The following EML1 variants were observed in gnomAD, a reference collection of about 807,000 sequenced individuals.
The protein encoded by EML1 is echinoderm microtubule-associated protein-like 1.
A neutral mutation model predicts 110.4 loss-of-function variants in EML1; 27 were observed. That is an observed-to-expected ratio of 0.24 (90% CI 0.18 to 0.34). The LOEUF (loss-of-function observed/expected upper bound fraction) is 0.34, where lower values mean the gene tolerates loss of function less well. Ranked by LOEUF, EML1 falls within the 10% of genes least tolerant of loss-of-function variation. The probability of loss-of-function intolerance (pLI) is 1.00; values close to 1 mark genes in which losing one functional copy is unlikely to be tolerated. For missense variants in EML1, 741 were observed against 1,030.9 expected, an observed-to-expected ratio of 0.72 and a Z score of 3.85; for synonymous variants, 344 against 385.8, an observed-to-expected ratio of 0.89 and a Z score of 1.27.
chr14:99,864,228 G>A (rs2059053506), intron 2 of EML1, among the ~76,000 whole-genome samples: 1 of 152,050 alleles, frequency 6.6e-6, no homozygotes, highest in Admixed American at 6.5e-5. Context: ...TTCCTTTTAT[G>A]TTCCTTATAC....
At chr14:99,753,306 G>A (rs1312284479) in intron 1 of EML1, among the ~76,000 whole-genome samples, 1 of 151,018 alleles carries the variant, frequency 6.6e-6, no homozygotes, top group Non-Finnish European at 1.5e-5. Context: ...GACACTTCAG[G>A]GGGAAGTCCT....
intron 1 of EML1, chr14:99,809,734 G>A: frequency 2.2e-6 from 1 of 456,114 alleles, no homozygotes; most frequent in African/African-American, 2.0e-5. Flanking sequence ...CATTTGATGG[G>A]TGGGGAGAAC....
At chr14:99,853,642 T>C (rs2058851082) in intron 2 of EML1, among the ~76,000 whole-genome samples, 1 of 152,204 alleles carries the variant, frequency 6.6e-6, no homozygotes, top group South Asian at 2.1e-4. Flanking sequence ...CATGCTCATA[T>C]AGACTTGAAG....
upstream of EML1, chr14:99,793,308 T>TGCGGCG (rs925967316): frequency 1.3e-4 from 131 of 976,520 alleles, no homozygotes; most frequent in Middle Eastern, 5.3e-4. Flanking sequence ...CTCGCGCGGC[T>TGCGGCG]GCGGCGGCGG....
At chr14:99,790,865 C>CTTTTTTTTTTTTTTTTTTTTTTTTT (rs763959981), upstream of EML1, among the ~76,000 whole-genome samples, 38 of 138,450 alleles carry the variant, frequency 2.7e-4, no homozygotes, top group Non-Finnish European at 3.9e-4. Context: ...TTTTTCTTTT[C>CTTTTTTTTTTTTTTTTTTTTTTTTT]CTTTTTTTTT....
At chr14:99,825,185 T>C (rs2058332369) in intron 1 of EML1, among the ~76,000 whole-genome samples, 1 of 152,134 alleles carries the variant, frequency 6.6e-6, no homozygotes, top group Non-Finnish European at 1.5e-5. Context: ...GGGGTCTTGC[T>C]ATGTTGCCCA....
chr14:99,756,948 T>A (rs943445893), intron 1 of EML1, among the ~76,000 whole-genome samples: 1 of 152,162 alleles, frequency 6.6e-6, no homozygotes, highest in African/African-American at 2.4e-5. Flanking sequence ...CGCGTGCTCC[T>A]GTGCCCACAA....
chr14:99,745,577 C>A (rs952532562), intron 1 of EML1, among the ~76,000 whole-genome samples: 1 of 152,146 alleles, frequency 6.6e-6, no homozygotes, highest in African/African-American at 2.4e-5. Flanking sequence ...GTCAGTGAAT[C>A]AACTTGGATT....
chr14:99,820,630 AG>A (rs2058245653), intron 1 of EML1, among the ~76,000 whole-genome samples: 1 of 152,258 alleles, frequency 6.6e-6, no homozygotes, highest in African/African-American at 2.4e-5. Flanking sequence ...TTTTTCTGTG[AG>A]CAAATGAATT....
At chr14:99,745,264 C>T (rs1350303763) in intron 1 of EML1, among the ~76,000 whole-genome samples, 1 of 152,168 alleles carries the variant, frequency 6.6e-6, no homozygotes, top group Non-Finnish European at 1.5e-5. Flanking sequence ...CGAGGTTTCA[C>T]CATGTTGCCC....
intron 2 of EML1, among the ~76,000 whole-genome samples, chr14:99,864,619 C>T (rs1595397498): frequency 1.3e-5 from 2 of 151,918 alleles, no homozygotes; most frequent in African/African-American, 4.8e-5. Context: ...CGAGACCAGC[C>T]TGGCCAACAT....
intron 1 of EML1, among the ~76,000 whole-genome samples, chr14:99,849,268 G>A (rs568535683): frequency 2.0e-5 from 3 of 152,112 alleles, no homozygotes; most frequent in Admixed American, 1.3e-4. Context: ...TTTTTCTCAC[G>A]TGGTACTTTA....
rs148400435 is a variant in EML1 at position 99,939,244 on chromosome 14, C to G, written c.2239C>G (p.Arg747Gly). ...CGGAACCGACATCAATGCCGTCTGT[C>G]GGGCCCATGAGAAGAAACTCCTGTC... Reference protein sequence around the residue: ...SDGTDINAVCRAHEKKLLSTG... With the variant: ...SDGTDINAVCGAHEKKLLSTG... Residue 747 changes from arginine (R) to glycine (G), a missense_variant, in exon 21 of 22, where the codon CGG becomes GGG. Physicochemically the swap from Arg to Gly is moderately radical, Grantham distance 125. This residue lies in a region of EML1 where 114 missense variants were observed against 122.5 expected (regional missense o/e 0.93). Coordinates refer to ENST00000262233, the MANE Select transcript of EML1 (RefSeq NM_004434.3). This position sits in a 1 kb window ranked among gnomAD's most constrained non-coding sequence, Gnocchi z 4.2. The G allele has an allele frequency of 2.5e-6, 4 of 1,614,080 alleles. No homozygotes were observed. Among genetic ancestry groups the G allele is most frequent in the African/African-American group, 1.3e-5 (1 of 74,928 alleles).
intron 17 of EML1, among the ~76,000 whole-genome samples, chr14:99,926,531 C>T (rs1012648499): frequency 9.2e-5 from 14 of 151,868 alleles, no homozygotes; most frequent in Admixed American, 5.9e-4. Context: ...GTGATCTGCC[C>T]GCCTCGGCCT....
chr14:99,838,913 G>A (rs1384616887), intron 1 of EML1: 3 of 115,246 alleles, frequency 2.6e-5, no homozygotes, highest in Non-Finnish European at 3.6e-5. Flanking sequence ...GAGTGCGCGC[G>A]CGCGCGTGTG....
At chr14:99,917,928 G>GC in intron 16 of EML1, 79 bp downstream of exon 16, 1 of 1,438,712 alleles carries the variant, frequency 7.0e-7, no homozygotes, top group Non-Finnish European at 9.7e-7. Context: ...CCAGGAACAG[G>GC]CCCCCGTTCA....
At position 99,936,158 on chromosome 14, in the gene EML1, A is replaced by G. The variant is rs760162871; in HGVS notation, c.2007+32A>G. On this transcript the variant is annotated intron_variant, in intron 18 of 21. Coordinates refer to ENST00000262233, the MANE Select transcript of EML1 (RefSeq NM_004434.3). This position sits in a 1 kb window ranked among gnomAD's most constrained non-coding sequence, Gnocchi z 5.5. ...GCTGACAGTGGACCTGTCGCTTCTCATGCACTGCGTATAGTTTAACTACCG... is the reference window on the plus strand; with the variant it reads ...GCTGACAGTGGACCTGTCGCTTCTCGTGCACTGCGTATAGTTTAACTACCG... 1.6e-5 allele frequency: 26 copies of G among 1,610,508 alleles called. No individual in the cohort carries two copies. Among genetic ancestry groups the G allele is most frequent in the Non-Finnish European group, 2.2e-5 (26 of 1,176,726 alleles).
At chr14:99,850,323 A>C (rs2058774904) in intron 1 of EML1, 4 of 1,289,094 alleles carry the variant, frequency 3.1e-6, no homozygotes, top group Non-Finnish European at 4.0e-6. Flanking sequence ...GTTGGAAATT[A>C]TGATTCTGAG....
intron 3 of EML1, 70 bp from the exon 4 acceptor site, chr14:99,878,415 T>C: frequency 6.5e-7 from 1 of 1,537,932 alleles, no homozygotes; most frequent in East Asian, 2.3e-5. Flanking sequence ...TATGTATATA[T>C]TTGTATGCTT....
Sources: gnomAD v4.1 joint callset for allele counts (sites outside exome capture counted in the v4.1 genomes callset) on GRCh38, gnomAD v4.1.1 for gene constraint, gnomAD v4.1.1 regional missense constraint, Gnocchi (gnomAD v3.1) non-coding constraint, MANE v1.5 for transcripts, NCBI Gene and HGNC (gene_info 2026-07-23, HGNC 2026-07-21) for gene names.